Variants in GSE1 observed in about 807,000 individuals in gnomAD.
GSE1 encodes Gse1 coiled-coil protein.
GSE1 carries 32 observed loss-of-function variants against 112.6 expected under a neutral mutation model. The observed-to-expected ratio is 0.28, with a 90% CI of 0.21 to 0.38. The LOEUF is 0.38. Ranked by LOEUF, GSE1 falls within the 10% of genes least tolerant of loss-of-function variation. The pLI, the probability that GSE1 is intolerant of heterozygous loss-of-function variation, is 1.00. For missense variants in GSE1, 2,348 were observed against 1,699.2 expected (o/e 1.38, Z -6.71); for synonymous variants, 1,115 against 735.6 (o/e 1.52, Z -8.35).
chr16:85,528,685 G>A (rs4072443), intron 2 of GSE1, among the ~76,000 whole-genome samples: 74,554 of 140,250 alleles, frequency 0.53, 18,962 homozygotes, highest in African/African-American at 0.63. Context: ...TTTGTTTTTT[G>A]ATGGGGTGGT....
chr16:85,361,781 G>C (rs2047087525), intron 2 of GSE1, among the ~76,000 whole-genome samples: 1 of 152,230 alleles, frequency 6.6e-6, no homozygotes, highest in African/African-American at 2.4e-5. Flanking sequence ...AGCTGCCTTG[G>C]TCTCCCCCAG....
rs1335700157 is a variant in GSE1 at position 85,655,800 on chromosome 16, C to A, written c.872C>A (p.Pro291Gln). The A allele has an allele frequency of 3.7e-6, 6 of 1,609,330 alleles. No individual in the cohort carries two copies. Among genetic ancestry groups the A allele is most frequent in the South Asian group, 2.2e-5 (2 of 91,024 alleles). Residue 291 changes from proline (P) to glutamine (Q), a missense_variant, in exon 6 of 16, where the codon CCA becomes CAA. Transcript: ENST00000253458. ...YPIPTPGSLP[P>Q]LHPSAMHLHL... ...ATCCCCACCCCCGGCTCCCTGCCCC[C>A]ACTGCACCCATCAGCGATGCACCTG...
chr16:85,453,670 CAG>C (rs1567499579), intron 2 of GSE1, among the ~76,000 whole-genome samples: 2 of 152,098 alleles, frequency 1.3e-5, no homozygotes, highest in African/African-American at 2.4e-5. Flanking sequence ...GTCTAGAGCT[CAG>C]GGGGCTGAGA....
At chr16:85,448,742 C>A (rs924887029) in intron 2 of GSE1, among the ~76,000 whole-genome samples, 1 of 152,220 alleles carries the variant, frequency 6.6e-6, no homozygotes, top group South Asian at 2.1e-4. Context: ...CCCACATCCC[C>A]GGCCCTGCAA....
chr16:85,657,024 G>T (rs2052018206), intron 7 of GSE1, among the ~76,000 whole-genome samples: 2 of 152,254 alleles, frequency 1.3e-5, no homozygotes, highest in African/African-American at 2.4e-5. Flanking sequence ...CTTTGAGCCA[G>T]CATGAGCTGG....
intron 1 of GSE1, among the ~76,000 whole-genome samples, chr16:85,334,812 G>A (rs946925220): frequency 2.6e-5 from 4 of 152,202 alleles, no homozygotes; most frequent in East Asian, 1.9e-4. Flanking sequence ...GCCAGGAGTC[G>A]CTCTGAAAAG....
At chr16:85,354,232 T>C (rs1188426553) in intron 1 of GSE1, among the ~76,000 whole-genome samples, 1 of 152,158 alleles carries the variant, frequency 6.6e-6, no homozygotes, top group East Asian at 1.9e-4. Context: ...AAAAGCTGTG[T>C]CCCCCAGTTG....
At chr16:85,211,338 T>C (rs2075222074) in intron 1 of GSE1, among the ~76,000 whole-genome samples, 4 of 151,892 alleles carry the variant, frequency 2.6e-5, no homozygotes. Flanking sequence ...GGAATGTCTT[T>C]CTTGCTAAGC....
chr16:85,389,623 A>C (rs1325325665), intron 2 of GSE1, among the ~76,000 whole-genome samples: 2 of 152,056 alleles, frequency 1.3e-5, no homozygotes, highest in African/African-American at 4.8e-5. Flanking sequence ...CCCTCCCACC[A>C]TTTGTCACTG....
intron 1 of GSE1, among the ~76,000 whole-genome samples, chr16:85,617,648 C>T (rs1353365079): frequency 2.8e-5 from 4 of 144,594 alleles, no homozygotes; most frequent in South Asian, 4.8e-4. Context: ...GAGACCCTGG[C>T]TCTGCTTTCT....
chr16:85,447,085 C>A (rs566967280), intron 2 of GSE1, among the ~76,000 whole-genome samples: 3 of 152,330 alleles, frequency 2.0e-5, no homozygotes, highest in Admixed American at 2.0e-4. Context: ...CTGCTCGGGC[C>A]TCTCACTCTG....
intron 1 of GSE1, among the ~76,000 whole-genome samples, chr16:85,226,093 G>A (rs1335237071): frequency 1.3e-5 from 2 of 152,130 alleles, no homozygotes; most frequent in African/African-American, 4.8e-5. Context: ...TGATAGCCTG[G>A]TCTCAGAAGC....
intron 1 of GSE1, among the ~76,000 whole-genome samples, chr16:85,581,372 C>T (rs1005661193): frequency 2.0e-5 from 3 of 152,204 alleles, no homozygotes; most frequent in African/African-American, 7.2e-5. Flanking sequence ...CCGTACTGCA[C>T]GGTGTCCCTG....
chr16:85,237,308 G>A (rs142119535), intron 1 of GSE1, among the ~76,000 whole-genome samples: 32 of 152,224 alleles, frequency 2.1e-4, no homozygotes, highest in African/African-American at 6.5e-4. Flanking sequence ...GGGCGACAGA[G>A]CAAGAGACTG....
At chr16:85,295,221 C>G (rs940707660) in intron 1 of GSE1, among the ~76,000 whole-genome samples, 1 of 152,238 alleles carries the variant, frequency 6.6e-6, no homozygotes, top group African/African-American at 2.4e-5. Context: ...CACACCGGTC[C>G]ACCTTCTGCC....
chr16:85,391,131 G>A (rs2047830258), intron 2 of GSE1, among the ~76,000 whole-genome samples: 1 of 152,204 alleles, frequency 6.6e-6, no homozygotes, highest in African/African-American at 2.4e-5. Flanking sequence ...CTCCAAGAGA[G>A]GGCTAGGATG....
chr16:85,355,532 G>A (rs550825627), intron 1 of GSE1, among the ~76,000 whole-genome samples: 5 of 152,318 alleles, frequency 3.3e-5, no homozygotes, highest in South Asian at 2.1e-4. Context: ...GAGAGCAGAC[G>A]CCGACAGCCA....
chr16:85,525,255 C>CG (rs1490669906), intron 2 of GSE1, among the ~76,000 whole-genome samples: 4 of 152,054 alleles, frequency 2.6e-5, no homozygotes, highest in Admixed American at 6.6e-5. Context: ...ACTTGTCCCC[C>CG]CCCCACTGAT....
At position 85,477,903 on chromosome 16, in the gene GSE1, C is replaced by G. The variant is rs182025468; in HGVS notation, c.2464+120260C>G. ...AACAGCTTTATTGAGATGAAGTTCT[C>G]ATATCATGCATTTCACCCTTTTCAA... On this transcript the variant is annotated intron_variant, in intron 2 of 2. Coordinates refer to the GSE1 transcript ENST00000637419. Among the ~76,000 whole-genome samples, 687 of 152,228 alleles carry G rather than the reference C, an allele frequency of 4.5e-3. 7 individuals carry two copies. The highest frequency in any genetic ancestry group is 0.016 in the African/African-American group (659 of 41,516).
Sources: gnomAD v4.1 joint callset for allele counts (sites outside exome capture counted in the v4.1 genomes callset) on GRCh38, gnomAD v4.1.1 for gene constraint, MANE v1.5 for transcripts, NCBI Gene and HGNC (gene_info 2026-07-23, HGNC 2026-07-21) for gene names.